Variants in CMIP observed in about 807,000 individuals in gnomAD.
The protein encoded by CMIP is c-Maf inducing protein, also known as C-Maf-inducing protein.
Under a neutral mutation model 97.3 loss-of-function variants are expected in CMIP, and 13 were observed. The ratio of observed to expected loss-of-function variants is 0.13; its 90% CI spans 0.09 to 0.21. The LOEUF (loss-of-function observed/expected upper bound fraction) is 0.21, where lower values mean the gene tolerates loss of function less well. Among genes scored for constraint, CMIP ranks in the 10% least tolerant of loss-of-function variants. CMIP has a pLI of 1.00. For missense variants in CMIP, 847 were observed against 1,024.9 expected (o/e 0.83, Z 2.37); for synonymous variants, 538 against 436.3 (o/e 1.23, Z -2.91).
chr16:81,548,764 TG>T (rs773757253), intron 1 of CMIP, among the ~76,000 whole-genome samples: 2 of 152,060 alleles, frequency 1.3e-5, no homozygotes, highest in Non-Finnish European at 2.9e-5. Flanking sequence ...GAGGATTGCT[TG>T]AGGCCATGAG....
chr16:81,542,411 A>G (rs549166561), intron 1 of CMIP, among the ~76,000 whole-genome samples: 2 of 152,146 alleles, frequency 1.3e-5, no homozygotes, highest in Admixed American at 6.5e-5. Flanking sequence ...GATTTGTAGC[A>G]TGGCGTAGGT....
At chr16:81,520,315 G>T (rs1597499360) in intron 1 of CMIP, 3 of 152,272 alleles carry the variant, frequency 2.0e-5, no homozygotes, top group African/African-American at 7.2e-5. Context: ...GAGACTCTGG[G>T]AGCCACAAAC....
At chr16:81,585,768 C>A (rs1279314330) in intron 1 of CMIP, among the ~76,000 whole-genome samples, 1 of 149,386 alleles carries the variant, frequency 6.7e-6, no homozygotes, top group Non-Finnish European at 1.5e-5. Flanking sequence ...CCTGTCCTGA[C>A]CCTGCAGCCC....
At chr16:81,562,828 A>G (rs1046571589) in intron 1 of CMIP, among the ~76,000 whole-genome samples, 35 of 152,308 alleles carry the variant, frequency 2.3e-4, no homozygotes, top group African/African-American at 8.2e-4. Context: ...AGAAGGGTAC[A>G]CTTACTTGCT....
chr16:81,460,818 G>A (rs1038986692), intron 1 of CMIP, among the ~76,000 whole-genome samples: 1 of 152,182 alleles, frequency 6.6e-6, no homozygotes, highest in African/African-American at 2.4e-5. Context: ...TTTGCCCCCT[G>A]CAAAGCAAAA....
At chr16:81,526,476 G>A (rs1567560156) in intron 1 of CMIP, among the ~76,000 whole-genome samples, 1 of 152,146 alleles carries the variant, frequency 6.6e-6, no homozygotes, top group Admixed American at 6.5e-5. Flanking sequence ...ACATTCATCA[G>A]TACCCCAAAG....
At chr16:81,706,973 G>A (rs1908222041) in intron 19 of CMIP, 41 bp from the exon 20 acceptor site, 1 of 1,578,398 alleles carries the variant, frequency 6.3e-7, no homozygotes, top group Non-Finnish European at 8.7e-7. Context: ...CATACCTTTG[G>A]GGCCTCGCTC....
chr16:81,509,742 G>A (rs2089776182), intron 1 of CMIP, among the ~76,000 whole-genome samples: 1 of 152,160 alleles, frequency 6.6e-6, no homozygotes, highest in African/African-American at 2.4e-5. Context: ...GATGTCTCTT[G>A]AGGCCTACCT....
At chr16:81,701,111 C>G (rs1907349325) in intron 15 of CMIP, among the ~76,000 whole-genome samples, 1 of 135,432 alleles carries the variant, frequency 7.4e-6, no homozygotes, top group Non-Finnish European at 1.6e-5. Context: ...ATAGCAAGAC[C>G]TCATCTCAAA....
chr16:81,448,212 G>A (rs754267361), intron 1 of CMIP, among the ~76,000 whole-genome samples: 1 of 152,192 alleles, frequency 6.6e-6, no homozygotes, highest in Non-Finnish European at 1.5e-5. Flanking sequence ...CATCTACACA[G>A]CCCAACTCAG....
intron 1 of CMIP, among the ~76,000 whole-genome samples, chr16:81,504,676 A>T (rs1266378891): frequency 6.6e-6 from 1 of 151,336 alleles, no homozygotes; most frequent in African/African-American, 2.4e-5. Context: ...AGAAAAGAAA[A>T]GAAAAAATGG....
intron 3 of CMIP, among the ~76,000 whole-genome samples, chr16:81,623,753 C>T (rs1284451233): frequency 6.6e-6 from 1 of 152,222 alleles, no homozygotes; most frequent in Non-Finnish European, 1.5e-5. Context: ...GATCCTGGTT[C>T]TGTGGGCAGA....
rs1221142974 is a variant in CMIP, at chr16:81,444,860, G to A, written c.-382G>A. ...CACGCTCTGTACACACGCGCGCGGC[G>A]GCGCGGGGCCCCGAGACACGCCCGC... is the stretch of plus-strand genomic sequence containing the variant. On this transcript the variant is annotated 5_prime_UTR_variant, in exon 1 of 21. Coordinates refer to ENST00000537098, the MANE Select transcript of CMIP (RefSeq NM_198390.3). 2.1e-5 allele frequency among the ~76,000 whole-genome samples: 3 copies of A among 142,936 alleles called. No homozygotes were observed. In the East Asian group the frequency reaches 6.2e-4, roughly 30 times the overall value. 93.8% of individuals were successfully genotyped at this position (142,936 alleles called of 152,430 possible). A position where few individuals can be genotyped will look rare whatever the true frequency, so the allele number is the denominator to read the frequency against.
intron 1 of CMIP, among the ~76,000 whole-genome samples, chr16:81,493,463 G>A (rs2089437704): frequency 6.6e-6 from 1 of 152,232 alleles, no homozygotes; most frequent in African/African-American, 2.4e-5. Flanking sequence ...AACGAAGTAC[G>A]AAATATAAAG....
intron 3 of CMIP, among the ~76,000 whole-genome samples, chr16:81,638,995 C>T (rs575902205): frequency 6.6e-5 from 10 of 152,134 alleles, no homozygotes; most frequent in Admixed American, 1.3e-4. Flanking sequence ...GGATTAGGAC[C>T]GTGTGAAGAT....
At chr16:81,480,732 A>T (rs1908208430) in intron 1 of CMIP, among the ~76,000 whole-genome samples, 1 of 152,162 alleles carries the variant, frequency 6.6e-6, no homozygotes, top group Non-Finnish European at 1.5e-5. Flanking sequence ...GCACTGATTC[A>T]CGTTCTCTCA....
intron 2 of CMIP, among the ~76,000 whole-genome samples, chr16:81,613,276 G>A (rs186260190): frequency 6.6e-5 from 10 of 152,294 alleles, no homozygotes; most frequent in Non-Finnish European, 1.2e-4. Context: ...CTACCATGGA[G>A]AAATAATGCT....
At chr16:81,644,916 C>G (rs1324130016) in intron 3 of CMIP, among the ~76,000 whole-genome samples, 1 of 152,196 alleles carries the variant, frequency 6.6e-6, no homozygotes, top group African/African-American at 2.4e-5. Context: ...CATACTAGAC[C>G]TCAGCATCGA....
chr16:81,481,480 A>T (rs566510130), intron 1 of CMIP, among the ~76,000 whole-genome samples: 1 of 152,310 alleles, frequency 6.6e-6, no homozygotes, highest in African/African-American at 2.4e-5. Context: ...GAGCTTGACT[A>T]AGTAACACTG....
Sources: gnomAD v4.1 joint callset for allele counts (sites outside exome capture counted in the v4.1 genomes callset) on GRCh38, gnomAD v4.1.1 for gene constraint, MANE v1.5 for transcripts, NCBI Gene and HGNC (gene_info 2026-07-23, HGNC 2026-07-21) for gene names.